The following PCGF6 variants were observed in gnomAD, a reference collection of about 807,000 sequenced individuals.
The protein encoded by PCGF6 is polycomb group RING finger protein 6.
A neutral mutation model predicts 45.5 loss-of-function variants in PCGF6; 24 were observed. That is an observed-to-expected ratio of 0.53 (90% CI 0.38 to 0.74). PCGF6 has a LOEUF of 0.74. PCGF6 is among the 30% of genes least tolerant of loss of function. PCGF6 has a pLI of 0.00. For synonymous variants in PCGF6, 152 were observed against 162.1 expected, an observed-to-expected ratio of 0.94 and a Z score of 0.47; for missense variants, 356 against 443.2, an observed-to-expected ratio of 0.80 and a Z score of 1.77.
intron 8 of PCGF6, among the ~76,000 whole-genome samples, chr10:103,321,089 C>T (rs1404081357): frequency 6.6e-6 from 1 of 152,182 alleles, no homozygotes; most frequent in African/African-American, 2.4e-5. Flanking sequence ...AATTTATGAA[C>T]ATTACCAGCT....
chr10:103,340,755 G>A (rs115960857), intron 6 of PCGF6, among the ~76,000 whole-genome samples: 109 of 151,840 alleles, frequency 7.2e-4, no homozygotes, highest in Non-Finnish European at 1.3e-3. Flanking sequence ...TGCCACCATG[G>A]CCAATTAATT....
At chr10:103,316,117 A>G (rs2133562105) in intron 8 of PCGF6, among the ~76,000 whole-genome samples, 1 of 152,172 alleles carries the variant, frequency 6.6e-6, no homozygotes, top group Non-Finnish European at 1.5e-5. Flanking sequence ...ATTGTCTTCC[A>G]TACCAGAATG....
rs144329368 is a variant in PCGF6 at position 103,308,568 on chromosome 10, T to C, written c.997-4607A>G. On this transcript the variant is annotated intron_variant, in intron 9 of 9. Coordinates refer to ENST00000369847, the MANE Select transcript of PCGF6 (RefSeq NM_001011663.2). ...AGTGCACCACCATGCCTGGCTAATTTTGAGCTTTAAGATTTAATGAGAGCC... is the reference window on the plus strand; with the variant it reads ...AGTGCACCACCATGCCTGGCTAATTCTGAGCTTTAAGATTTAATGAGAGCC... Among the ~76,000 whole-genome samples the C allele has an allele frequency of 4.6e-3, 701 of 151,710 alleles. 4 individuals are homozygous for C. The highest frequency in any genetic ancestry group is 0.016 in the African/African-American group (666 of 41,436).
intron 7 of PCGF6, among the ~76,000 whole-genome samples, chr10:103,327,188 G>A (rs1472646750): frequency 6.6e-6 from 1 of 152,114 alleles, no homozygotes; most frequent in Non-Finnish European, 1.5e-5. Context: ...GGGAGGCTGA[G>A]GCAGGAGAAT....
intron 8 of PCGF6, among the ~76,000 whole-genome samples, chr10:103,316,013 T>TGTAG (rs1554862311): frequency 1.7e-5 from 2 of 119,502 alleles, no homozygotes; most frequent in Admixed American, 1.9e-4. Flanking sequence ...TATATATATA[T>TGTAG]AGAGAGAGAG....
chr10:103,310,409 G>A (rs1217965864), intron 9 of PCGF6, among the ~76,000 whole-genome samples: 1 of 152,164 alleles, frequency 6.6e-6, no homozygotes, highest in African/African-American at 2.4e-5. Context: ...TTCTGTATGT[G>A]AAGGAGGGGT....
intron 9 of PCGF6, among the ~76,000 whole-genome samples, chr10:103,312,076 T>C (rs902153258): frequency 5.1e-5 from 5 of 98,550 alleles, no homozygotes; most frequent in African/African-American, 1.2e-4. Flanking sequence ...AGAGCAAGAC[T>C]CTGTCTCCAA....
intron 1 of PCGF6, among the ~76,000 whole-genome samples, chr10:103,349,857 C>T (rs953342400): frequency 6.7e-5 from 10 of 150,144 alleles, no homozygotes; most frequent in Non-Finnish European, 1.2e-4. Flanking sequence ...CCGAGGCGGG[C>T]GGATCACGAG....
chr10:103,330,067 C>T (rs2133579135), intron 7 of PCGF6, among the ~76,000 whole-genome samples: 1 of 151,730 alleles, frequency 6.6e-6, no homozygotes, highest in Non-Finnish European at 1.5e-5. Flanking sequence ...TGTGCCCGGC[C>T]TGTTTTTTGT....
intron 8 of PCGF6, among the ~76,000 whole-genome samples, chr10:103,318,543 G>C (rs1048213730): frequency 6.6e-6 from 1 of 151,658 alleles, no homozygotes; most frequent in African/African-American, 2.4e-5. Flanking sequence ...AGCAGTTCAA[G>C]ACCAGCCTGG....
At chr10:103,314,582 A>T (rs1378454997) in intron 8 of PCGF6, among the ~76,000 whole-genome samples, 1 of 152,234 alleles carries the variant, frequency 6.6e-6, no homozygotes, top group Non-Finnish European at 1.5e-5. Flanking sequence ...GACATTAATT[A>T]AGAAATTAAG....
At chr10:103,350,651 A>T in intron 1 of PCGF6, 56 bp downstream of exon 1, 1 of 1,383,238 alleles carries the variant, frequency 7.2e-7, no homozygotes, top group South Asian at 1.7e-5. Flanking sequence ...GACGAGGGCC[A>T]GCTACGTCCC....
chr10:103,313,961 C>T (rs2093166067), intron 9 of PCGF6, among the ~76,000 whole-genome samples: 1 of 152,094 alleles, frequency 6.6e-6, no homozygotes, highest in Non-Finnish European at 1.5e-5. Context: ...AAAAAACTGC[C>T]TGCTTTCTTA....
At position 103,340,202 on chromosome 10, in the gene PCGF6, T is replaced by A. The variant is rs7923497; in HGVS notation, c.782+4822A>T. ...AGGGAAAAAAAAAAAAAAAAAAATA[T>A]ATATATATATATATATATATTTTAT... On this transcript the variant is annotated intron_variant, in intron 6 of 9. Coordinates refer to ENST00000369847, the MANE Select transcript of PCGF6 (RefSeq NM_001011663.2). Among the ~76,000 whole-genome samples the A allele has an allele frequency of 8.2e-3, 939 of 115,170 alleles. 7 individuals are homozygous for A. Among genetic ancestry groups the A allele is most frequent in the African/African-American group, 0.016 (449 of 28,530 alleles). 75.6% of individuals were successfully genotyped at this position (115,170 alleles called of 152,430 possible).
At chr10:103,326,716 A>C (rs1363439157) in intron 7 of PCGF6, 84 bp from the exon 8 acceptor site, 10 of 943,622 alleles carry the variant, frequency 1.1e-5, no homozygotes, top group Non-Finnish European at 1.5e-5. Flanking sequence ...TGTAATGTGT[A>C]AACATTAAAG....
Position 103,350,994 on chromosome 10 carries a change from G to A in PCGF6, c.73C>T (p.Pro25Ser). 1 of 1,439,906 alleles carries A rather than the reference G, an allele frequency of 6.9e-7. No homozygotes were observed. The highest frequency in any genetic ancestry group is 2.6e-5 in the Admixed American group (1 of 37,780). 89.2% of individuals were successfully genotyped at this position (1,439,906 alleles called of 1,614,324 possible). ...GCGGGCGGGGAGACAGGAGGCGGAG[G>A]CGGCAAGGCTGCAGCTCCCTCGGTT... Reference protein sequence around the residue: ...AKTEGAAALPPPPPVSPPALT... With the variant: ...AKTEGAAALPSPPPVSPPALT... Residue 25 changes from proline to serine, a missense_variant, in exon 1 of 10, where the codon CCT becomes TCT. Pro to Ser is a moderately conservative substitution (Grantham distance 74, BLOSUM62 -1). This residue lies in a region of PCGF6 where 307 missense variants were observed against 350.1 expected (regional missense o/e 0.88). Transcript: ENST00000369847.
At chr10:103,316,794 T>C (rs111932595) in intron 8 of PCGF6, among the ~76,000 whole-genome samples, 207 of 152,274 alleles carry the variant, frequency 1.4e-3, no homozygotes, top group African/African-American at 3.8e-3. Flanking sequence ...TAAAAGCTAG[T>C]AAGTCTAAAA....
chr10:103,350,802 C>A lies in PCGF6; in HGVS notation c.265G>T (p.Glu89Ter), dbSNP rs2093318220. 1 of 1,556,030 alleles carries A rather than the reference C, an allele frequency of 6.4e-7. No individual in the cohort carries two copies. ...TCCTCCTCTTCTTCCTCCTCCAGCT[C>A]CTCTTCTTCTTCCAACTCCTCGTCC... The part of the protein sequence containing the change: ...DEDEELEEEE[E>*]LEEEEEEEEE... Residue 89 changes from glutamate to a stop codon, truncating the protein, a stop_gained, in exon 1 of 10, where the codon GAG becomes TAG. Coordinates refer to ENST00000369847, the MANE Select transcript of PCGF6 (RefSeq NM_001011663.2). LOFTEE classifies it high-confidence loss of function.
intron 8 of PCGF6, among the ~76,000 whole-genome samples, chr10:103,321,956 C>T (rs1307108692): frequency 6.6e-6 from 1 of 150,450 alleles, no homozygotes; most frequent in Admixed American, 6.6e-5. Flanking sequence ...AGTGCAGTGG[C>T]ATGGTCTCAG....
Sources: allele counts gnomAD v4.1 joint callset (sites outside exome capture counted in the v4.1 genomes callset), GRCh38; gene constraint gnomAD v4.1.1; regional missense constraint gnomAD v4.1.1; transcripts MANE v1.5; gene names NCBI Gene and HGNC (gene_info 2026-07-23, HGNC 2026-07-21).